The following TMED8 variants were observed in gnomAD, a reference collection of about 807,000 sequenced individuals.
TMED8 encodes the protein transmembrane p24 trafficking protein family member 8, also known as protein TMED8.
A neutral mutation model predicts 32.7 loss-of-function variants in TMED8; 15 were observed. The observed-to-expected ratio is 0.46, with a 90% CI of 0.31 to 0.71. The LOEUF is 0.71. TMED8 is among the 30% of genes least tolerant of loss of function. The pLI, the probability that TMED8 is intolerant of heterozygous loss-of-function variation, is 0.06. For synonymous variants in TMED8, 147 were observed against 161.4 expected (o/e 0.91, Z 0.68); for missense variants, 390 against 423.9 (o/e 0.92, Z 0.70).
At chr14:77,353,461 G>A (rs1165557433) in intron 1 of TMED8, among the ~76,000 whole-genome samples, 5 of 147,704 alleles carry the variant, frequency 3.4e-5, no homozygotes, top group African/African-American at 1.3e-4. Flanking sequence ...TTTTTGGAGG[G>A]GGACAGGGTC....
In TMED8 at chr14:77,376,869, C is replaced by T; in HGVS notation, c.118+67G>A. Reference sequence around the variant, plus strand: ...AGCCCAGGACAGAGCGCGGCGGAGGCTCGCGCCGTGGTGCGGGGCCCTGAG... The same window carrying T: ...AGCCCAGGACAGAGCGCGGCGGAGGTTCGCGCCGTGGTGCGGGGCCCTGAG... On this transcript the variant is annotated intron_variant, in intron 1 of 5. Transcript: ENST00000216468. This position sits in a 1 kb window ranked among gnomAD's most constrained non-coding sequence, Gnocchi z 4.0. 9.5e-7 allele frequency: 1 copy of T among 1,052,338 alleles called. No individual in the cohort carries two copies. The highest frequency in any genetic ancestry group is 1.3e-6 in the Non-Finnish European group (1 of 792,382). The allele number at this position is 1,052,338 out of a possible 1,614,324, so 65.2% of individuals were successfully genotyped here. A position where few individuals can be genotyped will look rare whatever the true frequency, so the allele number is the denominator to read the frequency against.
chr14:77,335,926 C>T lies in TMED8; in HGVS notation c.*5845G>A, dbSNP rs1049263998. 1.5e-4 allele frequency: 23 copies of T among 152,048 alleles called. No homozygotes were observed. Among genetic ancestry groups the T allele is most frequent in the African/African-American group, 4.3e-4 (18 of 41,404 alleles). The allele number at this position is 152,048 out of a possible 1,614,324, so 9.4% of individuals were successfully genotyped here. ...AATGTACTGTTTAGGATATGAGAGA[C>T]GGAATTAAGATAATGTTTTCCAGAT... On this transcript the variant is annotated 3_prime_UTR_variant, in exon 6 of 6. Transcript: ENST00000216468.
chr14:77,360,973 CT>C (rs71128616), intron 1 of TMED8, among the ~76,000 whole-genome samples: 40,695 of 85,278 alleles, frequency 0.48, 8,355 homozygotes, highest in African/African-American at 0.55. Context: ...GATCCTTTGC[CT>C]TTTTTTTTTT....
At chr14:77,349,164 G>A (rs1730186202) in intron 2 of TMED8, among the ~76,000 whole-genome samples, 1 of 147,382 alleles carries the variant, frequency 6.8e-6, no homozygotes, top group Admixed American at 6.8e-5. Flanking sequence ...AAGCTGGGGT[G>A]TAGTGGCATG....
intron 1 of TMED8, among the ~76,000 whole-genome samples, chr14:77,367,240 TAAAAAAAA>T (rs56707120): frequency 1.2e-4 from 3 of 25,074 alleles, no homozygotes; most frequent in Admixed American, 4.9e-4. Flanking sequence ...AGACTCTGTC[TAAAAAAAA>T]AAAAAAAAAA....
rs752189365 is a variant in TMED8 at position 77,336,921 on chromosome 14, TCATAAA to T, written c.*4844_*4849del. On this transcript the variant is annotated 3_prime_UTR_variant, in exon 6 of 6. Transcript: ENST00000216468. ...CTCTCAAAGAGGGACTGAGCAGGAC[TCATAAA>T]CATAAACTCATATTCCCTACAGATT... 3 of 152,220 alleles carry T rather than the reference TCATAAA, an allele frequency of 2.0e-5. No individual in the cohort carries two copies. The highest frequency in any genetic ancestry group is 2.9e-5 in the Non-Finnish European group (2 of 68,038). The allele number at this position is 152,220 out of a possible 1,614,324, so 9.4% of individuals were successfully genotyped here. A position where few individuals can be genotyped will look rare whatever the true frequency, so the allele number is the denominator to read the frequency against.
chr14:77,377,092 A>G lies in TMED8; in HGVS notation c.-39T>C. ...ACGGAGCTCTCCGCTGCCAGCCGCG[A>G]GTGGCTCCGGAAACAGCCGAAGGCC... On this transcript the variant is annotated 5_prime_UTR_variant, in exon 1 of 6. Transcript: ENST00000216468. 3 of 1,282,684 alleles carry G rather than the reference A, an allele frequency of 2.3e-6. No homozygotes were observed. The highest frequency in any genetic ancestry group is 3.0e-6 in the Non-Finnish European group (3 of 993,152). The allele number at this position is 1,282,684 out of a possible 1,614,324, so 79.5% of individuals were successfully genotyped here.
At chr14:77,375,774 A>G (rs897660994) in intron 1 of TMED8, among the ~76,000 whole-genome samples, 2 of 152,222 alleles carry the variant, frequency 1.3e-5, no homozygotes, top group Admixed American at 6.5e-5. Flanking sequence ...CGGCACAGGA[A>G]GTTCAACTGA....
Position 77,358,900 on chromosome 14 carries a change from G to T in TMED8, c.119-7149C>A, listed in dbSNP as rs140762589. On this transcript the variant is annotated intron_variant, in intron 1 of 5. Transcript: ENST00000216468. The stretch of plus-strand genomic sequence containing the variant: ...CATTCTTCTTCTGCAACTTTTTTTT[G>T]TTTGTTTGTTTGTTTGTTTGTTTTT... 1.0e-2 allele frequency among the ~76,000 whole-genome samples: 1,480 copies of T among 148,604 alleles called. 17 individuals carry two copies. The highest frequency in any genetic ancestry group is 0.034 in the African/African-American group (1,394 of 40,862).
rs138822720 is a variant in TMED8 at position 77,343,378 on chromosome 14, C to T, written c.560G>A (p.Arg187His). ...KEKNSRLVVK[R>H]GEVVTIRVPT... ...TACCCGGATGGTCACCACCTCACCA[C>T]GCTTCACCACCAGACGGCTGTTCTT... Residue 187 changes from arginine to histidine, a missense_variant, in exon 5 of 6, where the codon CGT (arginine) becomes CAT (histidine). By Grantham distance (29) the Arg-to-His change is conservative (BLOSUM62 0). Coordinates refer to ENST00000216468, the MANE Select transcript of TMED8 (RefSeq NM_213601.3). 4.1e-5 allele frequency: 66 copies of T among 1,614,186 alleles called. No individual in the cohort carries two copies. Among genetic ancestry groups the T allele is most frequent in the African/African-American group, 3.2e-4 (24 of 75,044 alleles).
intron 1 of TMED8, among the ~76,000 whole-genome samples, chr14:77,370,396 C>T (rs1473198869): frequency 1.3e-5 from 2 of 151,942 alleles, no homozygotes; most frequent in African/African-American, 4.8e-5. Flanking sequence ...GACTTATAAC[C>T]TTTTATAAAA....
At position 77,341,697 on chromosome 14, in the gene TMED8, A is replaced by G. The variant is rs1892902787; in HGVS notation, c.*74T>C. 1.4e-6 allele frequency: 2 copies of G among 1,471,668 alleles called. No individual in the cohort carries two copies. Among genetic ancestry groups the G allele is most frequent in the Admixed American group, 1.7e-5 (1 of 58,768 alleles). The allele number at this position is 1,471,668 out of a possible 1,614,324, so 91.2% of individuals were successfully genotyped here. A position where few individuals can be genotyped will look rare whatever the true frequency, so the allele number is the denominator to read the frequency against. On this transcript the variant is annotated 3_prime_UTR_variant, in exon 6 of 6. Transcript: ENST00000216468. ...CCCCATGAACCTTTGGCTCTTGCCT[A>G]TCCCAAACAAGAGGCACCAGCTGGC...
At chr14:77,374,047 CTCT>C (rs1316485596) in intron 1 of TMED8, among the ~76,000 whole-genome samples, 2 of 152,180 alleles carry the variant, frequency 1.3e-5, no homozygotes, top group Non-Finnish European at 2.9e-5. Context: ...CCAATTAAAA[CTCT>C]TTTCTTATAA....
At chr14:77,346,318 T>C in intron 3 of TMED8, 31 bp downstream of exon 3, 1 of 1,610,626 alleles carries the variant, frequency 6.2e-7, no homozygotes, top group Non-Finnish European at 8.5e-7. Flanking sequence ...GTGCCTCCTT[T>C]CATAAGAAAG....
At chr14:77,345,831 G>A (rs1893015816) in intron 3 of TMED8, among the ~76,000 whole-genome samples, 2 of 151,892 alleles carry the variant, frequency 1.3e-5, no homozygotes, top group South Asian at 2.1e-4. Context: ...TTAGCCGGGT[G>A]TGGTGGCATG....
chr14:77,372,906 TTATATATATATATATATA>T (rs1167584417), intron 1 of TMED8, among the ~76,000 whole-genome samples: 1,301 of 35,270 alleles, frequency 0.037, 46 homozygotes, highest in African/African-American at 0.083. Flanking sequence ...GCCACAGATA[TTATATATATATATATATA>T]TATATATATA....
At position 77,362,009 on chromosome 14, in the gene TMED8, T is replaced by G. The variant is rs150371774; in HGVS notation, c.119-10258A>C. Among the ~76,000 whole-genome samples the G allele has an allele frequency of 3.3e-5, 5 of 152,326 alleles. No individual in the cohort carries two copies. In the East Asian group the frequency reaches 9.6e-4, roughly 29 times the overall value. ...AAATTGGGATTATTTTCTTGATTTT[T>G]TGGATAGGTTGTTACTGTGTACAGA... On this transcript the variant is annotated intron_variant, in intron 1 of 5. Transcript: ENST00000216468.
At position 77,376,710 on chromosome 14, in the gene TMED8, G is replaced by T; in HGVS notation, c.118+226C>A. On this transcript the variant is annotated intron_variant, in intron 1 of 5. Transcript: ENST00000216468. The surrounding 1 kb of genome is among the most constrained non-coding windows in gnomAD (Gnocchi z 4.0). ...TTTGGGCAGATCTCAGAAAGGAAGC[G>T]GGGCAGGAATCAAGGCATTTCGAAA... 3.1e-6 allele frequency: 1 copy of T among 327,502 alleles called. No individual in the cohort carries two copies. The highest frequency in any genetic ancestry group is 5.5e-6 in the Non-Finnish European group (1 of 181,090). The allele number at this position is 327,502 out of a possible 1,614,324, so 20.3% of individuals were successfully genotyped here.
In TMED8 at chr14:77,343,529, G is replaced by C. The variant is rs777772061; in HGVS notation, c.455-46C>G. 3.1e-6 allele frequency: 5 copies of C among 1,600,574 alleles called. No homozygotes were observed. In the Middle Eastern group the frequency reaches 7.2e-4, roughly 230 times the overall value. On this transcript the variant is annotated intron_variant, in intron 4 of 5. Transcript: ENST00000216468. ...GCACTGAGAAACCATGAGGAAACATGAGTACCCCGGGCATTTTGCTAAGAG... is the reference window on the plus strand; with the variant it reads ...GCACTGAGAAACCATGAGGAAACATCAGTACCCCGGGCATTTTGCTAAGAG...
Sources: allele counts gnomAD v4.1 joint callset (sites outside exome capture counted in the v4.1 genomes callset), GRCh38; gene constraint gnomAD v4.1.1; non-coding constraint Gnocchi (gnomAD v3.1); transcripts MANE v1.5; gene names NCBI Gene and HGNC (gene_info 2026-07-23, HGNC 2026-07-21).